The following ITGB1BP1 variants were observed in gnomAD, a reference collection of about 807,000 sequenced individuals.
ITGB1BP1 encodes integrin beta-1-binding protein 1.
In ITGB1BP1, 20 loss-of-function variants were observed where a neutral mutation model predicts 28.0. The ratio of observed to expected loss-of-function variants is 0.71; its 90% CI spans 0.50 to 1.04. The LOEUF is 1.04. Among genes scored for constraint, ITGB1BP1 ranks in the 50% least tolerant of loss-of-function variants. ITGB1BP1 has a pLI of 0.00. For synonymous variants in ITGB1BP1, 103 were observed against 89.5 expected, an observed-to-expected ratio of 1.15 and a Z score of -0.85; for missense variants, 228 against 242.5, an observed-to-expected ratio of 0.94 and a Z score of 0.40.
intron 5 of ITGB1BP1, 68 bp from the exon 6 acceptor site, chr2:9,407,666 C>G: frequency 1.3e-6 from 2 of 1,556,856 alleles, no homozygotes; most frequent in Non-Finnish European, 1.8e-6. Context: ...GATGACACAC[C>G]CTCCCAGGCA....
intron 1 of ITGB1BP1, chr2:9,423,156 C>T (rs1461465852): frequency 9.9e-7 from 1 of 1,008,004 alleles, no homozygotes. Context: ...AAGCTGCAGT[C>T]CGCAAGCCCA....
chr2:9,416,052 G>C (rs545615122), intron 2 of ITGB1BP1, among the ~76,000 whole-genome samples: 4 of 152,300 alleles, frequency 2.6e-5, no homozygotes, highest in Admixed American at 2.6e-4. Flanking sequence ...TTTAAAATTA[G>C]AGCATTCGCA....
chr2:9,409,834 G>GT (rs1678069298), intron 4 of ITGB1BP1, among the ~76,000 whole-genome samples: 1 of 148,054 alleles, frequency 6.8e-6, no homozygotes, highest in South Asian at 2.1e-4. Context: ...CCAAACTACC[G>GT]TGAGTTCTTT....
chr2:9,414,414 C>T (rs1003853599), intron 2 of ITGB1BP1, among the ~76,000 whole-genome samples, 158 bp from the exon 3 acceptor site: 5 of 152,010 alleles, frequency 3.3e-5, no homozygotes, highest in African/African-American at 4.8e-5. Context: ...TTTCTTAAGA[C>T]AAATTCTGTA....
chr2:9,421,555 T>A (rs533217837), intron 1 of ITGB1BP1, among the ~76,000 whole-genome samples: 1 of 151,908 alleles, frequency 6.6e-6, no homozygotes, highest in African/African-American at 2.4e-5. Context: ...TGCGTGGTGG[T>A]GGGCGCCTGT....
chr2:9,418,606 T>C lies in ITGB1BP1; in HGVS notation c.72+20A>G, dbSNP rs748907150. 4 of 1,510,240 alleles carry C rather than the reference T, an allele frequency of 2.6e-6. No individual in the cohort carries two copies. The highest frequency in any genetic ancestry group is 3.7e-6 in the Non-Finnish European group (4 of 1,085,268). 93.6% of individuals were successfully genotyped at this position (1,510,240 alleles called of 1,614,324 possible). On this transcript the variant is annotated intron_variant, in intron 2 of 6. Coordinates refer to ENST00000355346, the MANE Select transcript of ITGB1BP1 (RefSeq NM_004763.5). The stretch of plus-strand genomic sequence containing the variant: ...AACTCTCCCTGCTTTATGATTCTGT[T>C]CCAAATTCCATTTCCCTACCTTGCT...
In ITGB1BP1 at chr2:9,406,779, A is replaced by C; in HGVS notation, c.*55T>G. The C allele has an allele frequency of 8.8e-7, 1 of 1,135,056 alleles. No individual in the cohort carries two copies. Among genetic ancestry groups the C allele is most frequent in the Non-Finnish European group, 1.3e-6 (1 of 742,258 alleles). 70.3% of individuals were successfully genotyped at this position (1,135,056 alleles called of 1,614,324 possible). ...TATTTGCATAACATTTCAGCATTGC[A>C]GTTTGAAAACAGCTGAACTTTCAGA... On this transcript the variant is annotated 3_prime_UTR_variant, in exon 7 of 7. Transcript: ENST00000355346.
chr2:9,420,509 G>A (rs544354565), intron 1 of ITGB1BP1, among the ~76,000 whole-genome samples: 1 of 152,280 alleles, frequency 6.6e-6, no homozygotes, highest in East Asian at 1.9e-4. Context: ...ACTAACACAA[G>A]TTGAGGAGAC....
intron 1 of ITGB1BP1, chr2:9,422,396 G>T: frequency 1.0e-6 from 1 of 985,428 alleles, no homozygotes; most frequent in Non-Finnish European, 1.2e-6. Context: ...GCTGCTCCTG[G>T]TTCTCAGCGC....
intron 3 of ITGB1BP1, among the ~76,000 whole-genome samples, chr2:9,413,106 A>AT (rs1678662809): frequency 2.6e-5 from 4 of 152,202 alleles, no homozygotes; most frequent in Non-Finnish European, 5.9e-5. Context: ...ATACTATATG[A>AT]TTACTTTTAG....
intron 2 of ITGB1BP1, 130 bp from the exon 3 acceptor site, chr2:9,414,386 A>T: frequency 1.6e-6 from 1 of 624,256 alleles, no homozygotes; most frequent in Admixed American, 3.2e-5. Context: ...TTATTCAGGC[A>T]TATCGACTGT....
rs1487332627 is a variant in ITGB1BP1 at position 9,406,246 on chromosome 2, AGTGT to A, written c.*584_*587del. The A allele has an allele frequency of 8.3e-5, 2 of 24,124 alleles. No individual in the cohort carries two copies. Among genetic ancestry groups the A allele is most frequent in the African/African-American group, 4.0e-4 (1 of 2,494 alleles). The allele number at this position is 24,124 out of a possible 1,614,324, so 1.5% of individuals were successfully genotyped here. On this transcript the variant is annotated 3_prime_UTR_variant, in exon 7 of 7. Coordinates refer to ENST00000355346, the MANE Select transcript of ITGB1BP1 (RefSeq NM_004763.5). ...GACATCTCGTCTTCCTCAGGCCTTC[AGTGT>A]GTGTTTGTCACTGAGTGGACCTCTG...
At chr2:9,423,025 A>C in intron 1 of ITGB1BP1, 1 of 990,904 alleles carries the variant, frequency 1.0e-6, no homozygotes, top group Non-Finnish European at 1.2e-6. Context: ...GTGACAGCGA[A>C]GGGGACAGAC....
At chr2:9,418,354 A>T (rs938117098) in intron 2 of ITGB1BP1, among the ~76,000 whole-genome samples, 22 of 152,206 alleles carry the variant, frequency 1.4e-4, no homozygotes, top group Admixed American at 1.3e-3. Flanking sequence ...TCATTTAAAA[A>T]TTTTTTAAAT....
intron 2 of ITGB1BP1, among the ~76,000 whole-genome samples, chr2:9,414,656 T>C (rs939802646): frequency 6.6e-6 from 1 of 152,166 alleles, no homozygotes; most frequent in Non-Finnish European, 1.5e-5. Flanking sequence ...AGGACCATGA[T>C]CCCCGCTTAC....
intron 1 of ITGB1BP1, among the ~76,000 whole-genome samples, chr2:9,419,760 G>A (rs781113981): frequency 2.0e-4 from 31 of 152,272 alleles, no homozygotes; most frequent in Middle Eastern, 3.4e-3. Context: ...TGATAACCTT[G>A]TGACATATCC....
rs1204086647 is a variant in ITGB1BP1, at chr2:9,406,850, G to A, written c.587C>T (p.Thr196Ile). The change falls in exon 7 of 7, where the codon ACA becomes ATA. Residue 196 changes from threonine to isoleucine, a missense_variant. This residue lies in a region of ITGB1BP1 where 192 missense variants were observed against 181.6 expected (regional missense o/e 1.06). Coordinates refer to ENST00000355346, the MANE Select transcript of ITGB1BP1 (RefSeq NM_004763.5). ...VLSTAFDSVL[T>I]SEKP is the part of the protein sequence containing the mutation. ...TTGCAGGATTCAGGGTTTCTCAGAT[G>A]TTAATACAGAGTCAAAAGCGGTGGA... The A allele has an allele frequency of 6.2e-7, 1 of 1,612,274 alleles. No individual in the cohort carries two copies. The highest frequency in any genetic ancestry group is 1.1e-5 in the South Asian group (1 of 91,048).
chr2:9,415,987 C>T lies in ITGB1BP1; in HGVS notation c.73-1731G>A, dbSNP rs147459494. On this transcript the variant is annotated intron_variant, in intron 2 of 6. Coordinates refer to ENST00000355346, the MANE Select transcript of ITGB1BP1 (RefSeq NM_004763.5). This position sits in a 1 kb window ranked among gnomAD's most constrained non-coding sequence, Gnocchi z 4.1. Reference sequence around the variant, plus strand: ...GGGGGCCTTGTGCGACCCTGCGAGACGCCTCCTTCTGTGCTGTGCCTCACC... The same window carrying T: ...GGGGGCCTTGTGCGACCCTGCGAGATGCCTCCTTCTGTGCTGTGCCTCACC... Among the ~76,000 whole-genome samples the T allele has an allele frequency of 1.3e-3, 193 of 152,344 alleles. 1 individual carries two copies. Among genetic ancestry groups the T allele is most frequent in the African/African-American group, 2.3e-3 (97 of 41,584 alleles).
In ITGB1BP1 at chr2:9,407,616, G is replaced by C; in HGVS notation, c.382-18C>G. On this transcript the variant is annotated intron_variant, in intron 5 of 6. Coordinates refer to ENST00000355346, the MANE Select transcript of ITGB1BP1 (RefSeq NM_004763.5). ...AAAACATCCTGCAGAAGTCAGGAAA[G>C]ATTCCGAGAGATCAGGACTCTCAAA... 6.2e-7 allele frequency: 1 copy of C among 1,613,698 alleles called. No homozygotes were observed.
Sources: gnomAD v4.1 joint callset for allele counts (sites outside exome capture counted in the v4.1 genomes callset) on GRCh38, gnomAD v4.1.1 for gene constraint, gnomAD v4.1.1 regional missense constraint, Gnocchi (gnomAD v3.1) non-coding constraint, MANE v1.5 for transcripts, NCBI Gene and HGNC (gene_info 2026-07-23, HGNC 2026-07-21) for gene names.